Variants in HEATR1 observed in about 807,000 individuals in gnomAD.
HEATR1 encodes the protein HEAT repeat-containing protein 1.
A neutral mutation model predicts 248.2 loss-of-function variants in HEATR1; 77 were observed. The observed-to-expected ratio is 0.31, with a 90% CI of 0.26 to 0.37. The LOEUF is 0.37. HEATR1 is among the 10% of genes least tolerant of loss of function. The pLI is 1.00. For missense variants in HEATR1, 2,420 were observed against 2,504.9 expected (o/e 0.97, Z 0.72); for synonymous variants, 897 against 923.1 (o/e 0.97, Z 0.51).
rs200168702 is a variant in HEATR1 at position 236,583,081 on chromosome 1, G to A, written c.2357C>T (p.Ser786Leu). The A allele has an allele frequency of 2.2e-4, 359 of 1,614,110 alleles. No individual in the cohort carries two copies. The highest frequency in any genetic ancestry group is 2.4e-4 in the Non-Finnish European group (284 of 1,180,002). Reference protein sequence around the residue: ...NSTQRVAVEDSVFLVFSLKKF... With the variant: ...NSTQRVAVEDLVFLVFSLKKF... Reference sequence around the variant, plus strand: ...TTTCAAGGAAAATACAAGAAAAACCGAGTCCTCCACGGCCACCCTCTGAGT... The same window carrying A: ...TTTCAAGGAAAATACAAGAAAAACCAAGTCCTCCACGGCCACCCTCTGAGT... The change falls in exon 18 of 45, where the codon TCG becomes TTG. Residue 786 changes from serine to leucine, a missense_variant. Ser to Leu is a moderately radical substitution (Grantham distance 145). Coordinates refer to ENST00000366582, the MANE Select transcript of HEATR1 (RefSeq NM_018072.6).
At chr1:236,589,424 GTTGT>G (rs1035383841) in intron 12 of HEATR1, among the ~76,000 whole-genome samples, 20 of 152,118 alleles carry the variant, frequency 1.3e-4, no homozygotes, top group African/African-American at 4.8e-4. Flanking sequence ...AGATCTAAAT[GTTGT>G]TTGTTGTTTA....
chr1:236,597,678 T>C (rs1376719553), intron 5 of HEATR1, among the ~76,000 whole-genome samples, 200 bp downstream of exon 5: 1 of 145,384 alleles, frequency 6.9e-6, no homozygotes, highest in Admixed American at 7.2e-5. Context: ...AAAACACCTT[T>C]GGTGATAAAA....
Position 236,595,644 on chromosome 1 carries a change from T to C in HEATR1, c.986A>G (p.Asp329Gly). The C allele has an allele frequency of 6.2e-7, 1 of 1,611,620 alleles. No individual in the cohort carries two copies. The highest frequency in any genetic ancestry group is 8.5e-7 in the Non-Finnish European group (1 of 1,177,950). ...AATCCCATGAAGTATTGTAATAAGA[T>C]CAGGAACATTACATAAGTGAGGGAA... ...KPFPHLCNVPDLITILHGISE... is the reference protein window; with the variant it reads ...KPFPHLCNVPGLITILHGISE... Residue 329 changes from aspartate (D) to glycine (G), a missense_variant, in exon 8 of 45, where the codon GAT becomes GGT. Coordinates refer to ENST00000366582, the MANE Select transcript of HEATR1 (RefSeq NM_018072.6).
chr1:236,568,897 A>AAC (rs1663345577), intron 29 of HEATR1, 99 bp downstream of exon 29: 1 of 617,056 alleles, frequency 1.6e-6, no homozygotes, highest in Non-Finnish European at 2.1e-6. Flanking sequence ...AAAAAAAAAA[A>AAC]CAAAAAAAAA....
rs760633487 is a variant in HEATR1, at chr1:236,555,560, CAG to C, written c.5743_5744del (p.Leu1915ValfsTer6). 1.2e-6 allele frequency: 2 copies of C among 1,614,190 alleles called. No homozygotes were observed. Among genetic ancestry groups the C allele is most frequent in the South Asian group, 1.1e-5 (1 of 91,084 alleles). On this transcript the variant is annotated frameshift_variant, in exon 40 of 45. Transcript: ENST00000366582. LOFTEE classifies it high-confidence loss of function. ...VKLSEVTFRP[L>X]FFKLFDWAKT... ...AGGAAGAAAGCGTCACCTTGAAGAA[CAG>C]GGGCCTGAATGTGACCTCGGAAAGT... is the stretch of plus-strand genomic sequence containing the variant.
At chr1:236,584,475 G>A (rs2103144686) in intron 17 of HEATR1, among the ~76,000 whole-genome samples, 1 of 151,854 alleles carries the variant, frequency 6.6e-6, no homozygotes, top group African/African-American at 2.4e-5. Flanking sequence ...AAAATTTGGA[G>A]GACAAATAAA....
At chr1:236,585,962 C>T in intron 15 of HEATR1, 21 bp from the exon 16 acceptor site, 1 of 1,612,572 alleles carries the variant, frequency 6.2e-7, no homozygotes, top group Non-Finnish European at 8.5e-7. Flanking sequence ...AAATCGAATG[C>T]AGAGAGCTCT....
At chr1:236,602,617 T>A (rs372015999) in intron 3 of HEATR1, among the ~76,000 whole-genome samples, 1 of 152,204 alleles carries the variant, frequency 6.6e-6, no homozygotes, top group South Asian at 2.1e-4. Context: ...CAAAGTAGCA[T>A]GGGCTCTTCA....
chr1:236,572,126 T>C (rs1442359723), intron 26 of HEATR1, among the ~76,000 whole-genome samples: 1 of 152,122 alleles, frequency 6.6e-6, no homozygotes, highest in Non-Finnish European at 1.5e-5. Context: ...TTCAACACTA[T>C]ATCTTGAAAT....
chr1:236,574,419 A>T, intron 23 of HEATR1, 86 bp from the exon 24 acceptor site: 4 of 1,445,520 alleles, frequency 2.8e-6, no homozygotes, highest in African/African-American at 1.4e-5. Flanking sequence ...CTCTCAAAAT[A>T]CAAAATTGTT....
Position 236,595,672 on chromosome 1 carries a change from G to C in HEATR1, c.958C>G (p.Pro320Ala), listed in dbSNP as rs1664159454. Residue 320 changes from proline (P) to alanine (A), a missense_variant and splice_region_variant, in exon 8 of 45, where the codon CCA (proline) becomes GCA (alanine). Coordinates refer to ENST00000366582, the MANE Select transcript of HEATR1 (RefSeq NM_018072.6). ...RQKPESLGKK[P>A]FPHLCNVPDL... ...GGAACATTACATAAGTGAGGGAATG[G>C]CCTTTGAAGAAGCAAAAGTACATAT... 24 of 1,610,226 alleles carry C rather than the reference G, an allele frequency of 1.5e-5. No homozygotes were observed. The highest frequency in any genetic ancestry group is 2.0e-5 in the Non-Finnish European group (24 of 1,177,998).
chr1:236,590,961 G>A lies in HEATR1; in HGVS notation c.1423-7C>T, dbSNP rs755977471. The A allele has an allele frequency of 5.2e-6, 7 of 1,340,158 alleles. No homozygotes were observed. The highest frequency in any genetic ancestry group is 4.8e-5 in the Admixed American group (2 of 41,992). The allele number at this position is 1,340,158 out of a possible 1,614,324, so 83.0% of individuals were successfully genotyped here. A position where few individuals can be genotyped will look rare whatever the true frequency, so the allele number is the denominator to read the frequency against. ...TATCAGAATCTGCTAAAAACTACAG[G>A]GTTCAACATAGTTATCAAATGATTT... On this transcript the variant is annotated splice_region_variant and splice_polypyrimidine_tract_variant and intron_variant, in intron 11 of 44. Transcript: ENST00000366582.
At chr1:236,591,888 A>C (rs565474132) in intron 11 of HEATR1, 105 bp downstream of exon 11, 1 of 642,560 alleles carries the variant, frequency 1.6e-6, no homozygotes, top group East Asian at 2.5e-5. Flanking sequence ...TCTCTGTAAA[A>C]TTTTCCACAC....
intron 32 of HEATR1, among the ~76,000 whole-genome samples, chr1:236,564,252 A>G (rs546063476): frequency 1.3e-5 from 2 of 152,248 alleles, no homozygotes; most frequent in Admixed American, 6.5e-5. Flanking sequence ...ACAGGTTCAT[A>G]AACTTCTGAT....
chr1:236,592,532 A>G lies in HEATR1; in HGVS notation c.1295T>C (p.Leu432Ser). Residue 432 changes from leucine to serine, a missense_variant, in exon 10 of 45, where the codon TTA becomes TCA. Transcript: ENST00000366582. The stretch of plus-strand genomic sequence containing the variant: ...TACACACGTAACTTACTTGCTTTCT[A>G]AAAGCCTAATGAGTGGAAGAAATTG... ...NEQFLPLIRLLESKYPRTLDV... is the reference protein window; with the variant it reads ...NEQFLPLIRLSESKYPRTLDV... The G allele has an allele frequency of 7.3e-7, 1 of 1,362,898 alleles. No homozygotes were observed. Among genetic ancestry groups the G allele is most frequent in the Non-Finnish European group, 1.0e-6 (1 of 956,234 alleles). The allele number at this position is 1,362,898 out of a possible 1,614,324, so 84.4% of individuals were successfully genotyped here.
At chr1:236,562,746 G>A (rs369912468) in intron 32 of HEATR1, among the ~76,000 whole-genome samples, 4 of 47,774 alleles carry the variant, frequency 8.4e-5, no homozygotes, top group Non-Finnish European at 1.5e-4. Flanking sequence ...TTCTTCATGC[G>A]TAAACACAGT....
At chr1:236,597,609 C>A (rs1039810392) in intron 5 of HEATR1, among the ~76,000 whole-genome samples, 3 of 151,736 alleles carry the variant, frequency 2.0e-5, no homozygotes, top group Admixed American at 2.0e-4. Flanking sequence ...TCTAGACACT[C>A]TCTTTGAATA....
chr1:236,579,254 C>A (rs536677892), intron 20 of HEATR1, among the ~76,000 whole-genome samples: 1 of 152,286 alleles, frequency 6.6e-6, no homozygotes, highest in East Asian at 1.9e-4. Flanking sequence ...AAAGACCCTC[C>A]CAGCCCCCTG....
intron 29 of HEATR1, 88 bp from the exon 30 acceptor site, chr1:236,566,964 G>C: frequency 1.2e-6 from 1 of 824,802 alleles, no homozygotes; most frequent in Non-Finnish European, 2.0e-6. Context: ...CTTTTAGATG[G>C]GCCCCAAGAA....
Sources: allele counts gnomAD v4.1 joint callset (sites outside exome capture counted in the v4.1 genomes callset), GRCh38; gene constraint gnomAD v4.1.1; transcripts MANE v1.5; gene names NCBI Gene and HGNC (gene_info 2026-07-23, HGNC 2026-07-21).